The following KCNMA1 variants were observed in gnomAD, a reference collection of about 807,000 sequenced individuals.
KCNMA1 encodes potassium calcium-activated channel subfamily M alpha 1.
In KCNMA1, 29 loss-of-function variants were observed where a neutral mutation model predicts 140.0. That is an observed-to-expected ratio of 0.21 (90% CI 0.15 to 0.28). The LOEUF (loss-of-function observed/expected upper bound fraction) is 0.28, where lower values mean the gene tolerates loss of function less well. Among genes scored for constraint, KCNMA1 ranks in the 10% least tolerant of loss-of-function variants. The pLI, the probability that KCNMA1 is intolerant of heterozygous loss-of-function variation, is 1.00. For synonymous variants in KCNMA1, 612 were observed against 611.9 expected (o/e 1.00, Z 0.00); for missense variants, 880 against 1,602.2 (o/e 0.55, Z 7.70).
In KCNMA1 at chr10:76,886,430, TG is replaced by T. The variant is rs1227097086; in HGVS notation, c.*835del. On this transcript the variant is annotated 3_prime_UTR_variant, in exon 28 of 28. Transcript: ENST00000286628. The stretch of plus-strand genomic sequence containing the variant: ...GGCTTTTCATCCCAAATGTCAAAAG[TG>T]AAAGAAAAAAAATAGCTATTCATAT... 1 of 984,714 alleles carries T rather than the reference TG, an allele frequency of 1.0e-6. No individual in the cohort carries two copies. 61.0% of individuals were successfully genotyped at this position (984,714 alleles called of 1,614,324 possible).
At chr10:77,366,122 T>TTCTTTC (rs2094338166) in intron 2 of KCNMA1, among the ~76,000 whole-genome samples, 1 of 97,756 alleles carries the variant, frequency 1.0e-5, no homozygotes, top group Non-Finnish European at 2.0e-5. Flanking sequence ...TTCTTTCTTT[T>TTCTTTC]TCTTTTCTTC....
chr10:77,469,853 G>A (rs2098114496), intron 1 of KCNMA1, among the ~76,000 whole-genome samples: 1 of 152,202 alleles, frequency 6.6e-6, no homozygotes, highest in African/African-American at 2.4e-5. Context: ...ATTCACAATG[G>A]GTTTGAGGCC....
At chr10:76,944,187 G>C (rs991901348) in intron 23 of KCNMA1, among the ~76,000 whole-genome samples, 1 of 152,150 alleles carries the variant, frequency 6.6e-6, no homozygotes, top group African/African-American at 2.4e-5. Flanking sequence ...CAAATGACAG[G>C]AAAGACTAGG....
intron 1 of KCNMA1, among the ~76,000 whole-genome samples, chr10:77,526,948 C>T (rs982145546): frequency 6.6e-6 from 1 of 152,046 alleles, no homozygotes; most frequent in Non-Finnish European, 1.5e-5. Context: ...GCATGTGCAA[C>T]AAAAAATACC....
At chr10:77,033,215 GC>G (rs2094070357) in intron 15 of KCNMA1, among the ~76,000 whole-genome samples, 1 of 152,120 alleles carries the variant, frequency 6.6e-6, no homozygotes, top group African/African-American at 2.4e-5. Context: ...ACATTCAGGA[GC>G]TTTAATTTAA....
At chr10:76,982,134 C>T (rs945778706) in intron 19 of KCNMA1, among the ~76,000 whole-genome samples, 1 of 152,020 alleles carries the variant, frequency 6.6e-6, no homozygotes, top group African/African-American at 2.4e-5. Flanking sequence ...TCTTTAAAAT[C>T]TTTTTAAAGA....
chr10:77,176,300 C>T (rs1188055180), intron 5 of KCNMA1, among the ~76,000 whole-genome samples: 1 of 152,156 alleles, frequency 6.6e-6, no homozygotes, highest in Non-Finnish European at 1.5e-5. Flanking sequence ...AGCATGATTC[C>T]TAAAAAAGAG....
chr10:77,198,001 C>T (rs1422656694), intron 3 of KCNMA1, among the ~76,000 whole-genome samples: 3 of 152,046 alleles, frequency 2.0e-5, no homozygotes, highest in African/African-American at 4.8e-5. Context: ...CAGAACTGGC[C>T]GTTACTCAAT....
At chr10:77,530,353 C>G (rs748047635) in intron 1 of KCNMA1, among the ~76,000 whole-genome samples, 22 of 152,228 alleles carry the variant, frequency 1.4e-4, no homozygotes, top group Non-Finnish European at 7.3e-5. Flanking sequence ...AAGTCCAGGT[C>G]TCTCTGGGGC....
At chr10:77,063,349 C>A (rs1215129535) in intron 14 of KCNMA1, among the ~76,000 whole-genome samples, 1 of 151,748 alleles carries the variant, frequency 6.6e-6, no homozygotes, top group Non-Finnish European at 1.5e-5. Context: ...GGGGCTGCAG[C>A]GGCTGGGTTG....
intron 12 of KCNMA1, among the ~76,000 whole-genome samples, chr10:77,082,391 T>C (rs1303779511): frequency 2.0e-5 from 3 of 152,150 alleles, no homozygotes; most frequent in Non-Finnish European, 2.9e-5. Context: ...TGTCTTCATA[T>C]TAACCCTACC....
chr10:77,174,983 TGGG>T (rs1348325474), intron 5 of KCNMA1, among the ~76,000 whole-genome samples: 2 of 152,196 alleles, frequency 1.3e-5, no homozygotes, highest in African/African-American at 4.8e-5. Context: ...AAAAGCACTC[TGGG>T]GGATTCTAAT....
rs151134966 is a variant in KCNMA1 at position 77,090,153 on chromosome 10, G to A, written c.1334+247C>T. Among the ~76,000 whole-genome samples, 40 of 152,196 alleles carry A rather than the reference G, an allele frequency of 2.6e-4. 1 individual carries two copies. Among genetic ancestry groups the A allele is most frequent in the African/African-American group, 8.4e-4 (35 of 41,532 alleles). On this transcript the variant is annotated intron_variant, in intron 10 of 27. Transcript: ENST00000286628. ...TATTATTTCTTCCAGAGATAAACTC[G>A]GATGTGGTCCCAGAATCGCCTCCAC... is the stretch of plus-strand genomic sequence containing the variant.
At chr10:77,162,554 C>G (rs1261113507) in intron 5 of KCNMA1, among the ~76,000 whole-genome samples, 1 of 152,122 alleles carries the variant, frequency 6.6e-6, no homozygotes, top group African/African-American at 2.4e-5. Context: ...ATCTTTGCCT[C>G]CAGTTTTCAT....
chr10:77,229,621 G>C lies in KCNMA1; in HGVS notation c.602+21574C>G, dbSNP rs1377627492. Reference sequence around the variant, plus strand: ...ACCTTCCTGGGAAGAGGGAGATCTGGATTTGAACCCCACCTCGGTCTGAGT... The same window carrying C: ...ACCTTCCTGGGAAGAGGGAGATCTGCATTTGAACCCCACCTCGGTCTGAGT... On this transcript the variant is annotated intron_variant, in intron 3 of 27. Transcript: ENST00000286628. 3.7e-4 allele frequency among the ~76,000 whole-genome samples: 57 copies of C among 152,134 alleles called. 1 individual carries two copies. Among genetic ancestry groups the C allele is most frequent in the Non-Finnish European group, 5.9e-5 (4 of 68,018 alleles).
intron 5 of KCNMA1, among the ~76,000 whole-genome samples, chr10:77,166,135 C>T (rs945255646): frequency 3.3e-5 from 5 of 152,096 alleles, no homozygotes; most frequent in African/African-American, 9.6e-5. Flanking sequence ...ACCAGAAGTA[C>T]TTGTACTAAT....
intron 1 of KCNMA1, among the ~76,000 whole-genome samples, chr10:77,556,390 A>G (rs2064401854): frequency 6.8e-6 from 1 of 146,860 alleles, no homozygotes; most frequent in African/African-American, 2.5e-5. Flanking sequence ...CTGTAATCCT[A>G]GTTACTCGGG....
rs557714718 is a variant in KCNMA1, at chr10:77,290,693, G to A, written c.541-39437C>T. Among the ~76,000 whole-genome samples, 104 of 152,188 alleles carry A rather than the reference G, an allele frequency of 6.8e-4. 1 individual carries two copies. The highest frequency in any genetic ancestry group is 9.9e-4 in the Non-Finnish European group (67 of 68,012). On this transcript the variant is annotated intron_variant, in intron 2 of 27. Coordinates refer to ENST00000286628, the MANE Select transcript of KCNMA1 (RefSeq NM_001161352.2). ...AAGGCTGAAGAAATTCTGATCTGGC[G>A]GGAAATTCCACTTTCTGACAACCCT...
downstream of KCNMA1, chr10:76,872,470 T>G (rs2031537842): frequency 6.6e-6 from 1 of 152,246 alleles, no homozygotes; most frequent in Non-Finnish European, 1.5e-5. Context: ...CTTAAAACTC[T>G]GAGTGGCTTT....
Sources: allele counts gnomAD v4.1 joint callset (sites outside exome capture counted in the v4.1 genomes callset), GRCh38; gene constraint gnomAD v4.1.1; transcripts MANE v1.5; gene names NCBI Gene and HGNC (gene_info 2026-07-23, HGNC 2026-07-21).